TNFRSF1B: variants seen among roughly 807,000 people sequenced by gnomAD.
TNFRSF1B encodes TNF receptor superfamily member 1B.
In TNFRSF1B, 19 loss-of-function variants were observed where a neutral mutation model predicts 44.6. The ratio of observed to expected loss-of-function variants is 0.43; its 90% CI spans 0.30 to 0.62. TNFRSF1B has a LOEUF of 0.62. Among genes scored for constraint, TNFRSF1B ranks in the 20% least tolerant of loss-of-function variants. The pLI is 0.16. For synonymous variants in TNFRSF1B, 252 were observed against 261.1 expected, an observed-to-expected ratio of 0.97 and a Z score of 0.34; for missense variants, 541 against 619.9, an observed-to-expected ratio of 0.87 and a Z score of 1.35.
intron 8 of TNFRSF1B, among the ~76,000 whole-genome samples, chr1:12,194,961 G>A (rs1262486263): frequency 6.6e-6 from 1 of 152,212 alleles, no homozygotes; most frequent in Admixed American, 6.5e-5. Flanking sequence ...CAGCCTGCAG[G>A]GTGGTGCCAT....
intron 1 of TNFRSF1B, among the ~76,000 whole-genome samples, chr1:12,170,357 AGCTAGTAAGCCTATGTTCTCATCTGT>A (rs1440136680): frequency 6.6e-6 from 1 of 152,218 alleles, no homozygotes; most frequent in Non-Finnish European, 1.5e-5. Flanking sequence ...AGCTTAGCTG[AGCTAGTAAGCCTATGTTCTCATCTGT>A]GGTTGTGGAA....
chr1:12,201,785 C>A (rs5746050), intron 8 of TNFRSF1B, among the ~76,000 whole-genome samples, 182 bp from the exon 9 acceptor site: 3 of 152,168 alleles, frequency 2.0e-5, no homozygotes, highest in African/African-American at 7.2e-5. Context: ...ACAGAAACCA[C>A]GGAGAATCAC....
In TNFRSF1B at chr1:12,196,063, G is replaced by C. The variant is rs1024021714; in HGVS notation, c.900+1445G>C. On this transcript the variant is annotated intron_variant, in intron 8 of 9. Transcript: ENST00000376259. Reference sequence around the variant, plus strand: ...CTCCTGTAATCCCAGCACTTTGGAAGGCCGAGGTAGATGGATCACTTGAGG... The same window carrying C: ...CTCCTGTAATCCCAGCACTTTGGAACGCCGAGGTAGATGGATCACTTGAGG... Among the ~76,000 whole-genome samples, 3 of 152,182 alleles carry C rather than the reference G, an allele frequency of 2.0e-5. No homozygotes were observed. In the South Asian group the frequency reaches 6.2e-4, roughly 32 times the overall value.
intron 1 of TNFRSF1B, among the ~76,000 whole-genome samples, chr1:12,174,160 T>TCTCCTTCTCCTTCTC (rs61393750): frequency 8.8e-5 from 6 of 67,902 alleles, no homozygotes; most frequent in Admixed American, 1.7e-4. Context: ...TTCTTCTTCT[T>TCTCCTTCTCCTTCTC]CTTCTCCTTC....
In TNFRSF1B at chr1:12,207,088, G is replaced by A. The variant is rs1639522284; in HGVS notation, c.*68G>A. On this transcript the variant is annotated 3_prime_UTR_variant, in exon 10 of 10. Coordinates refer to ENST00000376259, the MANE Select transcript of TNFRSF1B (RefSeq NM_001066.3). ...CCTGGCAGGATGACCCTGCGAAGGGGCCCTGGTCCTTCCAGGCCCCCACCA... is the reference window on the plus strand; with the variant it reads ...CCTGGCAGGATGACCCTGCGAAGGGACCCTGGTCCTTCCAGGCCCCCACCA... 6.7e-6 allele frequency: 10 copies of A among 1,481,886 alleles called. 1 individual carries two copies. Among genetic ancestry groups the A allele is most frequent in the South Asian group, 2.8e-5 (2 of 72,726 alleles). The allele number at this position is 1,481,886 out of a possible 1,614,324, so 91.8% of individuals were successfully genotyped here.
Position 12,199,608 on chromosome 1 carries a change from G to A in TNFRSF1B, c.901-2359G>A, listed in dbSNP as rs1425051820. Among the ~76,000 whole-genome samples the A allele has an allele frequency of 1.3e-5, 2 of 152,164 alleles. No individual in the cohort carries two copies. Among genetic ancestry groups the A allele is most frequent in the African/African-American group, 4.8e-5 (2 of 41,456 alleles). On this transcript the variant is annotated intron_variant, in intron 8 of 9. Transcript: ENST00000376259. The surrounding 1 kb of genome is among the most constrained non-coding windows in gnomAD (Gnocchi z 4.0). ...AAGCCATGGGAGCCGGGGGCTGCAGGGATTGGACAGAGAGGACCCTGGTAC... is the reference window on the plus strand; with the variant it reads ...AAGCCATGGGAGCCGGGGGCTGCAGAGATTGGACAGAGAGGACCCTGGTAC...
chr1:12,185,140 A>C (rs893209690), intron 1 of TNFRSF1B, among the ~76,000 whole-genome samples: 1 of 152,120 alleles, frequency 6.6e-6, no homozygotes, highest in African/African-American at 2.4e-5. Flanking sequence ...GAGCTGCAGA[A>C]GCTGCCATTT....
intron 9 of TNFRSF1B, among the ~76,000 whole-genome samples, chr1:12,205,308 G>T (rs1363204654): frequency 6.6e-6 from 1 of 152,156 alleles, no homozygotes; most frequent in African/African-American, 2.4e-5. Context: ...TGTAGCAGGG[G>T]GTGGGGAATG....
intron 8 of TNFRSF1B, among the ~76,000 whole-genome samples, chr1:12,198,954 A>G (rs1378063409): frequency 6.6e-6 from 1 of 151,986 alleles, no homozygotes; most frequent in Non-Finnish European, 1.5e-5. Context: ...CGGCCTCCCA[A>G]AGTGCTGGGA....
At position 12,168,921 on chromosome 1, in the gene TNFRSF1B, C is replaced by A. The variant is rs576817402; in HGVS notation, c.78+1752C>A. Among the ~76,000 whole-genome samples the A allele has an allele frequency of 9.9e-5, 15 of 152,248 alleles. No individual in the cohort carries two copies. In the East Asian group the frequency reaches 2.9e-3, roughly 29 times the overall value. On this transcript the variant is annotated intron_variant, in intron 1 of 9. Coordinates refer to ENST00000376259, the MANE Select transcript of TNFRSF1B (RefSeq NM_001066.3). This position sits in a 1 kb window ranked among gnomAD's most constrained non-coding sequence, Gnocchi z 4.7. The stretch of plus-strand genomic sequence containing the variant: ...TGAGGCAGAAACTCCCCTGGAGATC[C>A]CAGGCCAGAGTAAGGTACCTGAACT...
rs2101099071 is a variant in TNFRSF1B, at chr1:12,186,929, T to C, written c.79-1867T>C. On this transcript the variant is annotated intron_variant, in intron 1 of 9. Coordinates refer to ENST00000376259, the MANE Select transcript of TNFRSF1B (RefSeq NM_001066.3). The surrounding 1 kb of genome is among the most constrained non-coding windows in gnomAD (Gnocchi z 4.8). ...CAGCCTGGTAGAGGTGGCTAATTAA[T>C]GCTTGTCCCTGAAAGCCCGGACTGC... is the stretch of plus-strand genomic sequence containing the variant. Among the ~76,000 whole-genome samples the C allele has an allele frequency of 6.6e-6, 1 of 152,298 alleles. No homozygotes were observed. Among genetic ancestry groups the C allele is most frequent in the Non-Finnish European group, 1.5e-5 (1 of 68,022 alleles).
At chr1:12,167,489 C>T (rs954373378) in intron 1 of TNFRSF1B, 1 of 437,922 alleles carries the variant, frequency 2.3e-6, no homozygotes, top group Non-Finnish European at 4.2e-6. Flanking sequence ...GGGTCCTGGG[C>T]AGACCCCCGC....
intron 8 of TNFRSF1B, among the ~76,000 whole-genome samples, chr1:12,198,140 A>C (rs1488502140): frequency 1.3e-5 from 2 of 150,636 alleles, no homozygotes; most frequent in South Asian, 2.1e-4. Flanking sequence ...AAAAAAAAAA[A>C]ACCAATATGT....
Position 12,171,294 on chromosome 1 carries a change from G to T in TNFRSF1B, c.78+4125G>T, listed in dbSNP as rs535161356. On this transcript the variant is annotated intron_variant, in intron 1 of 9. Coordinates refer to ENST00000376259, the MANE Select transcript of TNFRSF1B (RefSeq NM_001066.3). The surrounding 1 kb of genome is among the most constrained non-coding windows in gnomAD (Gnocchi z 4.5). ...CTCCCGAAGTGCTGGGATTATAGGCGTGAGCCACCCCACCCAGCCCCATTC... is the reference window on the plus strand; with the variant it reads ...CTCCCGAAGTGCTGGGATTATAGGCTTGAGCCACCCCACCCAGCCCCATTC... Among the ~76,000 whole-genome samples the T allele has an allele frequency of 5.3e-5, 8 of 151,890 alleles. No individual in the cohort carries two copies. The highest frequency in any genetic ancestry group is 1.3e-4 in the Admixed American group (2 of 15,240).
rs111395466 is a variant in TNFRSF1B at position 12,183,826 on chromosome 1, C to CCTATCTATCTAT, written c.79-4954_79-4943dup. Among the ~76,000 whole-genome samples the CCTATCTATCTAT allele has an allele frequency of 8.0e-4, 99 of 124,452 alleles. 4 individuals carry two copies. Among genetic ancestry groups the CCTATCTATCTAT allele is most frequent in the African/African-American group, 2.0e-3 (69 of 33,790 alleles). The allele number at this position is 124,452 out of a possible 152,430, so 81.6% of individuals were successfully genotyped here. ...TCTAGCTATCTATCTATTCTATCTA[C>CCTATCTATCTAT]CTATCTATCTATCTATCTATCTATC... is the stretch of plus-strand genomic sequence containing the variant. On this transcript the variant is annotated intron_variant, in intron 1 of 9. Coordinates refer to ENST00000376259, the MANE Select transcript of TNFRSF1B (RefSeq NM_001066.3).
At chr1:12,196,959 CTT>C (rs1173257674) in intron 8 of TNFRSF1B, among the ~76,000 whole-genome samples, 12 of 143,030 alleles carry the variant, frequency 8.4e-5, no homozygotes, top group African/African-American at 1.0e-4. Flanking sequence ...TTCTTTCTTT[CTT>C]TTTTTTTTTT....
rs534682911 is a variant in TNFRSF1B at position 12,167,004 on chromosome 1, C to A, written c.-88C>A. Reference sequence around the variant, plus strand: ...GCTTTCGCTTTCAGTCGAGGGCTAGCGAGCGCAGCGGAGCCTGGAGAGAAG... The same window carrying A: ...GCTTTCGCTTTCAGTCGAGGGCTAGAGAGCGCAGCGGAGCCTGGAGAGAAG... On this transcript the variant is annotated 5_prime_UTR_variant, in exon 1 of 10. Transcript: ENST00000376259. 145 of 1,025,922 alleles carry A rather than the reference C, an allele frequency of 1.4e-4. 3 individuals are homozygous for A. In the South Asian group the frequency reaches 4.2e-3, roughly 30 times the overall value. 63.6% of individuals were successfully genotyped at this position (1,025,922 alleles called of 1,614,324 possible). A position where few individuals can be genotyped will look rare whatever the true frequency, so the allele number is the denominator to read the frequency against.
At chr1:12,179,169 C>A (rs1013435399) in intron 1 of TNFRSF1B, among the ~76,000 whole-genome samples, 1 of 152,086 alleles carries the variant, frequency 6.6e-6, no homozygotes, top group Non-Finnish European at 1.5e-5. Context: ...TTCCTGTCTG[C>A]CCCCAGCTCA....
rs1638716338 is a variant in TNFRSF1B at position 12,178,583 on chromosome 1, G to C, written c.79-10213G>C. Among the ~76,000 whole-genome samples, 1 of 152,152 alleles carries C rather than the reference G, an allele frequency of 6.6e-6. No individual in the cohort carries two copies. Among genetic ancestry groups the C allele is most frequent in the Non-Finnish European group, 1.5e-5 (1 of 68,022 alleles). Reference sequence around the variant, plus strand: ...TGTGGGCAGTATAGAGATGCACCCGGGTTGTCACAGGAGCCCCTAGGAGGG... The same window carrying C: ...TGTGGGCAGTATAGAGATGCACCCGCGTTGTCACAGGAGCCCCTAGGAGGG... On this transcript the variant is annotated intron_variant, in intron 1 of 9. Transcript: ENST00000376259. The surrounding 1 kb of genome is among the most constrained non-coding windows in gnomAD (Gnocchi z 4.3).
Sources: gnomAD v4.1 joint callset for allele counts (sites outside exome capture counted in the v4.1 genomes callset) on GRCh38, gnomAD v4.1.1 for gene constraint, Gnocchi (gnomAD v3.1) non-coding constraint, MANE v1.5 for transcripts, NCBI Gene and HGNC (gene_info 2026-07-23, HGNC 2026-07-21) for gene names.